EXT1: variants seen among roughly 807,000 people sequenced by gnomAD.
The protein encoded by EXT1 is exostosin glycosyltransferase 1, also known as exostosin-1.
A neutral mutation model predicts 82.5 loss-of-function variants in EXT1; 20 were observed. The observed-to-expected ratio is 0.24, with a 90% CI of 0.17 to 0.35. EXT1 has a LOEUF of 0.35. Ranked by LOEUF, EXT1 falls within the 10% of genes least tolerant of loss-of-function variation. The probability of loss-of-function intolerance (pLI) is 1.00; values close to 1 mark genes in which losing one functional copy is unlikely to be tolerated. For synonymous variants in EXT1, 348 were observed against 350.8 expected, an observed-to-expected ratio of 0.99 and a Z score of 0.09; for missense variants, 757 against 936.5, an observed-to-expected ratio of 0.81 and a Z score of 2.50.
Position 117,856,041 on chromosome 8 carries a change from G to A in EXT1, c.963-18840C>T, listed in dbSNP as rs192398583. 7.9e-5 allele frequency among the ~76,000 whole-genome samples: 12 copies of A among 152,302 alleles called. 1 individual carries two copies. The highest frequency in any genetic ancestry group is 3.3e-4 in the Admixed American group (5 of 15,298). On this transcript the variant is annotated intron_variant, in intron 1 of 10. Transcript: ENST00000378204. ...GAAGGAATGTTGAAAGGCATGACAG[G>A]TTGAAAGCTATGCCTCTCATGCCAA... is the stretch of plus-strand genomic sequence containing the variant.
At chr8:118,086,116 A>T (rs1032831123) in intron 1 of EXT1, among the ~76,000 whole-genome samples, 1 of 152,220 alleles carries the variant, frequency 6.6e-6, no homozygotes. Context: ...ATAAATGAAT[A>T]AAAAGGTGGG....
rs1455692059 is a variant in EXT1, at chr8:117,797,659, T to C, written c.*2053A>G. 1 of 152,240 alleles carries C rather than the reference T, an allele frequency of 6.6e-6. No individual in the cohort carries two copies. The highest frequency in any genetic ancestry group is 1.5e-5 in the Non-Finnish European group (1 of 68,044). The allele number at this position is 152,240 out of a possible 1,614,324, so 9.4% of individuals were successfully genotyped here. A position where few individuals can be genotyped will look rare whatever the true frequency, so the allele number is the denominator to read the frequency against. On this transcript the variant is annotated 3_prime_UTR_variant, in exon 11 of 11. Transcript: ENST00000378204. ...CAAATGAATAAAGATTAACTGCTAA[T>C]CTTTTAACTTGCTGAGAAGTGCAGC...
chr8:117,858,806 AAGGC>A (rs1264342542), intron 1 of EXT1, among the ~76,000 whole-genome samples: 679 of 62,566 alleles, frequency 0.011, 67 homozygotes, highest in African/African-American at 0.036. Flanking sequence ...AAGGCAAGGC[AAGGC>A]AGGAAGGAAG....
intron 1 of EXT1, among the ~76,000 whole-genome samples, chr8:117,884,463 C>T (rs1813113764): frequency 6.6e-6 from 1 of 152,182 alleles, no homozygotes; most frequent in South Asian, 2.1e-4. Context: ...GCAATCATTA[C>T]TGCCAAATGT....
Position 118,080,631 on chromosome 8 carries a change from G to A in EXT1, c.962+29454C>T, listed in dbSNP as rs17477154. ...TGAAATGCATTTTTCTCTGAAGGTAGTTCTTTTAAAACTCGGCCAATAATA... is the reference window on the plus strand; with the variant it reads ...TGAAATGCATTTTTCTCTGAAGGTAATTCTTTTAAAACTCGGCCAATAATA... On this transcript the variant is annotated intron_variant, in intron 1 of 10. Coordinates refer to ENST00000378204, the MANE Select transcript of EXT1 (RefSeq NM_000127.3). 5.6e-3 allele frequency among the ~76,000 whole-genome samples: 853 copies of A among 152,256 alleles called. 8 individuals are homozygous for A. The highest frequency in any genetic ancestry group is 0.026 in the South Asian group (125 of 4,820).
chr8:118,104,494 A>G (rs962957455), intron 1 of EXT1, among the ~76,000 whole-genome samples: 3 of 152,212 alleles, frequency 2.0e-5, no homozygotes, highest in African/African-American at 7.2e-5. Flanking sequence ...TTCTTCTTCC[A>G]GAGTATGAAG....
At chr8:117,906,468 T>C (rs1341457889) in intron 1 of EXT1, among the ~76,000 whole-genome samples, 1 of 152,194 alleles carries the variant, frequency 6.6e-6, no homozygotes, top group Non-Finnish European at 1.5e-5. Context: ...AGGAAGCCAC[T>C]ACCAATCAAT....
intron 1 of EXT1, among the ~76,000 whole-genome samples, chr8:118,090,367 C>T (rs2129998083): frequency 6.6e-6 from 1 of 152,184 alleles, no homozygotes; most frequent in African/African-American, 2.4e-5. Flanking sequence ...CTGCAGTGAG[C>T]CATGACAGTG....
chr8:117,958,032 T>C (rs1185829683), intron 1 of EXT1, among the ~76,000 whole-genome samples: 6 of 152,308 alleles, frequency 3.9e-5, no homozygotes, highest in Non-Finnish European at 8.8e-5. Context: ...ACCTAATGGT[T>C]ATTTTGGAAA....
At position 117,795,367 on chromosome 8, in the gene EXT1, T is replaced by C. The variant is rs751201847; in HGVS notation, c.*4345A>G. The C allele has an allele frequency of 5.3e-5, 8 of 151,620 alleles. No homozygotes were observed. The highest frequency in any genetic ancestry group is 9.7e-5 in the African/African-American group (4 of 41,220). The allele number at this position is 151,620 out of a possible 1,614,324, so 9.4% of individuals were successfully genotyped here. A position where few individuals can be genotyped will look rare whatever the true frequency, so the allele number is the denominator to read the frequency against. ...AAAGGGGAGAGATGGTTTTGAGGAG[T>C]CAAATCCATCATCACAATTATGGTG... On this transcript the variant is annotated 3_prime_UTR_variant, in exon 11 of 11. Coordinates refer to ENST00000378204, the MANE Select transcript of EXT1 (RefSeq NM_000127.3).
At chr8:118,069,926 A>G (rs1209801250) in intron 1 of EXT1, among the ~76,000 whole-genome samples, 1 of 152,180 alleles carries the variant, frequency 6.6e-6, no homozygotes, top group Non-Finnish European at 1.5e-5. Context: ...AAGGTTTTCT[A>G]CAACAATCCT....
intron 1 of EXT1, among the ~76,000 whole-genome samples, chr8:117,943,141 T>C (rs980151163): frequency 6.6e-6 from 1 of 152,230 alleles, no homozygotes; most frequent in East Asian, 1.9e-4. Flanking sequence ...ACTTTCTTCT[T>C]TAAAGAGTAT....
chr8:118,001,212 G>A (rs1188515365), intron 1 of EXT1, among the ~76,000 whole-genome samples: 1 of 151,892 alleles, frequency 6.6e-6, no homozygotes, highest in Non-Finnish European at 1.5e-5. Context: ...TTTTTGAGAC[G>A]GTCTCGCTCT....
intron 1 of EXT1, among the ~76,000 whole-genome samples, chr8:118,085,364 G>A (rs145419384): frequency 5.1e-4 from 77 of 152,234 alleles, no homozygotes; most frequent in African/African-American, 1.8e-3. Flanking sequence ...CATAGCTTAG[G>A]CGTGGGGGAC....
At chr8:117,954,453 G>A (rs1036205221) in intron 1 of EXT1, among the ~76,000 whole-genome samples, 3 of 152,172 alleles carry the variant, frequency 2.0e-5, no homozygotes, top group Non-Finnish European at 2.9e-5. Context: ...GAAAGGTAAA[G>A]TGTCTAAAAC....
At chr8:117,822,696 T>C (rs1811945271) in intron 4 of EXT1, 99 bp from the exon 5 acceptor site, 1 of 1,328,096 alleles carries the variant, frequency 7.5e-7, no homozygotes, top group African/African-American at 1.4e-5. Context: ...GCAGTCAGAG[T>C]AGTGACTCTA....
At chr8:118,098,374 C>T (rs571982941) in intron 1 of EXT1, among the ~76,000 whole-genome samples, 4 of 152,216 alleles carry the variant, frequency 2.6e-5, no homozygotes, top group South Asian at 4.2e-4. Context: ...CTTAGGCAGG[C>T]AGGGCCAGCC....
At chr8:117,911,522 C>T (rs1223495835) in intron 1 of EXT1, among the ~76,000 whole-genome samples, 1 of 152,198 alleles carries the variant, frequency 6.6e-6, no homozygotes, top group Non-Finnish European at 1.5e-5. Context: ...CCCACTCAAG[C>T]TCAGAGAGCT....
chr8:117,819,315 TC>T (rs1811881618), intron 6 of EXT1, among the ~76,000 whole-genome samples: 1 of 152,256 alleles, frequency 6.6e-6, no homozygotes, highest in Non-Finnish European at 1.5e-5. Flanking sequence ...AGCTTAGTTG[TC>T]TGGGTCCTCC....
Sources: gnomAD v4.1 joint callset for allele counts (sites outside exome capture counted in the v4.1 genomes callset) on GRCh38, gnomAD v4.1.1 for gene constraint, MANE v1.5 for transcripts, NCBI Gene and HGNC (gene_info 2026-07-23, HGNC 2026-07-21) for gene names.